The following ATP13A5 variants were observed in gnomAD, a reference collection of about 807,000 sequenced individuals.
ATP13A5 encodes probable cation-transporting ATPase 13A5.
A neutral mutation model predicts 150.2 loss-of-function variants in ATP13A5; 149 were observed. That is an observed-to-expected ratio of 0.99 (90% confidence interval 0.87 to 1.14). The LOEUF is 1.14. Among genes scored for constraint, ATP13A5 ranks in the 50% most tolerant of loss-of-function variants. The probability of loss-of-function intolerance (pLI) is 0.00; values close to 1 mark genes in which losing one functional copy is unlikely to be tolerated. For missense variants in ATP13A5, 1,383 were observed against 1,449.3 expected, an observed-to-expected ratio of 0.95 and a Z score of 0.74; for synonymous variants, 497 against 522.2, an observed-to-expected ratio of 0.95 and a Z score of 0.66.
chr3:193,339,366 G>T (rs1712025632), intron 9 of ATP13A5, among the ~76,000 whole-genome samples: 1 of 152,026 alleles, frequency 6.6e-6, no homozygotes, highest in South Asian at 2.1e-4. Flanking sequence ...TCTTTTGTGG[G>T]CATTTAGTGC....
intron 28 of ATP13A5, among the ~76,000 whole-genome samples, chr3:193,277,435 T>C (rs1181514255): frequency 6.6e-6 from 1 of 152,154 alleles, no homozygotes; most frequent in African/African-American, 2.4e-5. Context: ...GCTGCATCCA[T>C]AGCAAAAGGC....
At position 193,351,227 on chromosome 3, in the gene ATP13A5, G is replaced by A. The variant is rs1013455174; in HGVS notation, c.607-26C>T. On this transcript the variant is annotated intron_variant, in intron 6 of 29. Coordinates refer to ENST00000342358, the MANE Select transcript of ATP13A5 (RefSeq NM_198505.4). ...CTGCAGGCACAAAAATGGCATTTGGGTCACTTGCATGAACCTTAGTAGCAA... is the reference window on the plus strand; with the variant it reads ...CTGCAGGCACAAAAATGGCATTTGGATCACTTGCATGAACCTTAGTAGCAA... The A allele has an allele frequency of 3.1e-6, 5 of 1,612,948 alleles. No individual in the cohort carries two copies. In the South Asian group the frequency reaches 3.3e-5, roughly 11 times the overall value.
At chr3:193,303,797 A>T (rs560925370) in intron 23 of ATP13A5, among the ~76,000 whole-genome samples, 1 of 151,686 alleles carries the variant, frequency 6.6e-6, no homozygotes, top group East Asian at 1.9e-4. Flanking sequence ...GTGTGTGTAT[A>T]TAAATATATA....
At chr3:193,355,475 G>A (rs1285330545) in intron 5 of ATP13A5, among the ~76,000 whole-genome samples, 3 of 152,148 alleles carry the variant, frequency 2.0e-5, no homozygotes, top group Admixed American at 6.5e-5. Flanking sequence ...AAGGACCAAT[G>A]GGGAGAATCT....
At chr3:193,323,294 A>G (rs1182820312) in intron 14 of ATP13A5, 1 of 152,176 alleles carries the variant, frequency 6.6e-6, no homozygotes, top group East Asian at 1.9e-4. Context: ...AAATGCTAAA[A>G]TTCTTGACAG....
intron 21 of ATP13A5, among the ~76,000 whole-genome samples, 166 bp downstream of exon 21, chr3:193,310,472 T>C (rs1419778525): frequency 6.6e-6 from 1 of 152,236 alleles, no homozygotes; most frequent in Non-Finnish European, 1.5e-5. Flanking sequence ...TGAACTAATT[T>C]ACACTCCCAC....
In ATP13A5 at chr3:193,333,764, A is replaced by G; in HGVS notation, c.1258T>C (p.Tyr420His). ...CCAGTACTTACTCCATGGTACATAT[A>G]TACCCCTAGGGCATAGAAAAAACCC... ...VMGFFYALGV[Y>H]MYHGVPPKDT... The change falls in exon 11 of 30, where the codon TAT (tyrosine) becomes CAT (histidine). Residue 420 changes from tyrosine to histidine, a missense_variant. Around this residue, in one of 3 missense-constraint regions of ATP13A5, gnomAD observed 787 missense variants for 771.9 expected, o/e 1.02. Coordinates refer to ENST00000342358, the MANE Select transcript of ATP13A5 (RefSeq NM_198505.4). 6.2e-7 allele frequency: 1 copy of G among 1,613,746 alleles called. No individual in the cohort carries two copies. Among genetic ancestry groups the G allele is most frequent in the East Asian group, 2.2e-5 (1 of 44,864 alleles).
chr3:193,338,256 C>T (rs1320337651), intron 9 of ATP13A5, among the ~76,000 whole-genome samples: 23 of 152,128 alleles, frequency 1.5e-4, no homozygotes, highest in Admixed American at 3.9e-4. Flanking sequence ...CTGGCCAGAA[C>T]TTCCAACACT....
intron 9 of ATP13A5, among the ~76,000 whole-genome samples, chr3:193,341,457 T>C (rs1023806282): frequency 3.9e-5 from 6 of 152,178 alleles, no homozygotes; most frequent in Non-Finnish European, 7.3e-5. Context: ...GGGACTTAGA[T>C]GTGGTGTGTC....
intron 7 of ATP13A5, among the ~76,000 whole-genome samples, chr3:193,349,787 G>C (rs1433791817): frequency 6.6e-6 from 1 of 152,002 alleles, no homozygotes; most frequent in African/African-American, 2.4e-5. Context: ...AAACACTCTT[G>C]TGTGTTTCTG....
At chr3:193,299,347 T>C (rs1718310362) in intron 24 of ATP13A5, 144 bp from the exon 25 acceptor site, 1 of 596,674 alleles carries the variant, frequency 1.7e-6, no homozygotes, top group African/African-American at 1.9e-5. Context: ...CCTAAAATTA[T>C]TAGCATCTCA....
intron 22 of ATP13A5, among the ~76,000 whole-genome samples, chr3:193,306,000 G>T (rs1344817381): frequency 6.6e-6 from 1 of 151,982 alleles, no homozygotes; most frequent in Non-Finnish European, 1.5e-5. Context: ...TTAAAAAGAT[G>T]ACAGAATTTG....
At chr3:193,369,622 G>A (rs1713372581) in intron 1 of ATP13A5, among the ~76,000 whole-genome samples, 1 of 135,698 alleles carries the variant, frequency 7.4e-6, no homozygotes, top group Admixed American at 7.5e-5. Context: ...CCAGGAACAT[G>A]TTTGTACCAT....
chr3:193,361,463 G>A lies in ATP13A5; in HGVS notation c.536+918C>T, dbSNP rs559492171. Among the ~76,000 whole-genome samples, 124 of 152,178 alleles carry A rather than the reference G, an allele frequency of 8.1e-4. 3 individuals are homozygous for A. The South Asian group carries it at 0.026, about 32-fold the overall frequency. On this transcript the variant is annotated intron_variant, in intron 5 of 29. Transcript: ENST00000342358. ...ACAGAATTATCAGAATTATGAGGGT[G>A]GAGCTTAAAACCTATATTTTAAAGT...
chr3:193,297,077 G>C (rs934238338), intron 25 of ATP13A5, among the ~76,000 whole-genome samples: 3 of 152,072 alleles, frequency 2.0e-5, no homozygotes, highest in African/African-American at 7.2e-5. Flanking sequence ...GTTTACCTAT[G>C]TGACAAACCT....
intron 22 of ATP13A5, among the ~76,000 whole-genome samples, chr3:193,306,852 A>G (rs940000339): frequency 3.3e-5 from 5 of 152,226 alleles, no homozygotes; most frequent in Non-Finnish European, 7.3e-5. Context: ...TGGGTGAAGC[A>G]AACTTAAAAA....
chr3:193,286,902 T>G (rs2108823437), intron 26 of ATP13A5, among the ~76,000 whole-genome samples: 1 of 152,268 alleles, frequency 6.6e-6, no homozygotes, highest in African/African-American at 2.4e-5. Context: ...TAGGAGTTCT[T>G]GAAGAAAATT....
chr3:193,281,078 G>A (rs1717473708), intron 27 of ATP13A5: 1 of 473,516 alleles, frequency 2.1e-6, no homozygotes, highest in Non-Finnish European at 2.8e-6. Flanking sequence ...CTTGGGAAGG[G>A]TATGAGGCAG....
intron 12 of ATP13A5, among the ~76,000 whole-genome samples, chr3:193,328,723 C>T (rs1462582354): frequency 6.6e-6 from 1 of 152,072 alleles, no homozygotes; most frequent in Admixed American, 6.6e-5. Context: ...AAAGAAAGAA[C>T]TTGTCTTACA....
Sources: gnomAD v4.1 joint callset for allele counts (sites outside exome capture counted in the v4.1 genomes callset) on GRCh38, gnomAD v4.1.1 for gene constraint, gnomAD v4.1.1 regional missense constraint, MANE v1.5 for transcripts, NCBI Gene and HGNC (gene_info 2026-07-23, HGNC 2026-07-21) for gene names.